The following FOXP1 variants were observed in gnomAD, a reference collection of about 807,000 sequenced individuals.
The protein encoded by FOXP1 is forkhead box protein P1.
Under a neutral mutation model 98.2 loss-of-function variants are expected in FOXP1, and 15 were observed. That is an observed-to-expected ratio of 0.15 (90% CI 0.10 to 0.24). The LOEUF (loss-of-function observed/expected upper bound fraction) is 0.24. FOXP1 is among the 10% of genes least tolerant of loss of function. FOXP1 has a pLI of 1.00. For synonymous variants in FOXP1, 371 were observed against 314.5 expected, an observed-to-expected ratio of 1.18 and a Z score of -1.90; for missense variants, 633 against 848.5, an observed-to-expected ratio of 0.75 and a Z score of 3.15.
At chr3:71,469,446 C>G (rs1443938966) in intron 3 of FOXP1, among the ~76,000 whole-genome samples, 1 of 152,172 alleles carries the variant, frequency 6.6e-6, no homozygotes, top group Non-Finnish European at 1.5e-5. Flanking sequence ...TCTAAGTCAC[C>G]TTCTTGTAAA....
At chr3:71,406,414 T>TATATATATATATATATATATATATAC (rs1220162304) in intron 3 of FOXP1, among the ~76,000 whole-genome samples, 22 of 141,808 alleles carry the variant, frequency 1.6e-4, no homozygotes, top group African/African-American at 4.8e-4. Context: ...TGTATATATA[T>TATATATATATATATATATATATATAC]ATATATATAT....
At chr3:71,386,703 A>G (rs898245338) in intron 3 of FOXP1, among the ~76,000 whole-genome samples, 1 of 142,598 alleles carries the variant, frequency 7.0e-6, no homozygotes, top group Non-Finnish European at 1.5e-5. Context: ...AGATGGTGCC[A>G]CTGCACTCTA....
chr3:71,216,237 A>G (rs890321862), intron 5 of FOXP1, among the ~76,000 whole-genome samples: 13 of 152,224 alleles, frequency 8.5e-5, no homozygotes, highest in African/African-American at 2.9e-4. Context: ...ATAGCTCTCC[A>G]AAGTCCCACC....
At chr3:71,310,622 A>G (rs1216204615) in intron 4 of FOXP1, among the ~76,000 whole-genome samples, 8 of 152,122 alleles carry the variant, frequency 5.3e-5, no homozygotes, top group South Asian at 2.1e-4. Flanking sequence ...CTCCCTCTCC[A>G]TGTTCCGGGA....
At chr3:71,322,950 G>C (rs1400867794) in intron 4 of FOXP1, among the ~76,000 whole-genome samples, 1 of 151,914 alleles carries the variant, frequency 6.6e-6, no homozygotes, top group Non-Finnish European at 1.5e-5. Flanking sequence ...TCCCTTTCTG[G>C]GCACAGGGCC....
intron 12 of FOXP1, among the ~76,000 whole-genome samples, chr3:71,005,696 G>A (rs949700568): frequency 6.6e-6 from 1 of 152,000 alleles, no homozygotes; most frequent in Non-Finnish European, 1.5e-5. Context: ...TGGAAGAAGC[G>A]CATAAAAAGC....
chr3:71,337,180 C>T (rs2076738327), intron 4 of FOXP1, among the ~76,000 whole-genome samples: 1 of 152,086 alleles, frequency 6.6e-6, no homozygotes. Flanking sequence ...TGGAACAGGA[C>T]ACAGGAGAAA....
intron 2 of FOXP1, among the ~76,000 whole-genome samples, chr3:71,545,126 T>C (rs2045254885): frequency 6.6e-6 from 1 of 152,122 alleles, no homozygotes; most frequent in African/African-American, 2.4e-5. Context: ...ACCATTTTAT[T>C]TACACATGTA....
intron 4 of FOXP1, among the ~76,000 whole-genome samples, chr3:71,340,354 T>TA (rs2076940663): frequency 6.6e-6 from 1 of 152,224 alleles, no homozygotes; most frequent in Non-Finnish European, 1.5e-5. Context: ...GTTTGACAGA[T>TA]ACTAAGTAAA....
In FOXP1 at chr3:71,169,618, C is replaced by T. The variant is rs138192252; in HGVS notation, c.180+28584G>A. ...CTTTCCTTCCTCCCCCACCGCCCCC[C>T]GCAAATGTATCTTCATCTTATAGTT... is the stretch of plus-strand genomic sequence containing the variant. On this transcript the variant is annotated intron_variant, in intron 6 of 20. Transcript: ENST00000649528. Among the ~76,000 whole-genome samples, 99 of 151,886 alleles carry T rather than the reference C, an allele frequency of 6.5e-4. 1 individual carries two copies. Among genetic ancestry groups the T allele is most frequent in the South Asian group, 6.5e-3 (31 of 4,798 alleles).
chr3:71,230,820 G>C (rs181069101), intron 5 of FOXP1, among the ~76,000 whole-genome samples: 2 of 152,302 alleles, frequency 1.3e-5, no homozygotes, highest in Admixed American at 1.3e-4. Context: ...TTTCACAGTA[G>C]GTGGCATCAC....
intron 3 of FOXP1, among the ~76,000 whole-genome samples, chr3:71,469,682 A>AAT (rs2089134940): frequency 6.6e-6 from 1 of 152,296 alleles, no homozygotes; most frequent in Admixed American, 6.5e-5. Context: ...TTCCTTGCTG[A>AAT]ATGTAATGAG....
At chr3:71,373,014 G>C (rs541287286) in intron 3 of FOXP1, among the ~76,000 whole-genome samples, 4 of 152,142 alleles carry the variant, frequency 2.6e-5, no homozygotes, top group Non-Finnish European at 5.9e-5. Flanking sequence ...CTCACTCCCA[G>C]TGCCAGGTGC....
intron 3 of FOXP1, among the ~76,000 whole-genome samples, chr3:71,410,528 G>A (rs2082653544): frequency 6.6e-6 from 1 of 152,122 alleles, no homozygotes; most frequent in South Asian, 2.1e-4. Context: ...TATAAGCTGT[G>A]TCCTTATGAT....
At chr3:71,152,173 G>A (rs1186780156) in intron 6 of FOXP1, among the ~76,000 whole-genome samples, 1 of 152,210 alleles carries the variant, frequency 6.6e-6, no homozygotes, top group Non-Finnish European at 1.5e-5. Flanking sequence ...AAAGGGCTGT[G>A]TTGTGGAGAG....
At chr3:71,558,532 G>A (rs1203727807) in intron 2 of FOXP1, among the ~76,000 whole-genome samples, 3 of 147,008 alleles carry the variant, frequency 2.0e-5, no homozygotes, top group South Asian at 4.3e-4. Flanking sequence ...GTCTCACTCT[G>A]TCGCCATGCT....
chr3:71,027,119 T>G (rs1339037108), intron 11 of FOXP1, among the ~76,000 whole-genome samples: 9 of 152,306 alleles, frequency 5.9e-5, no homozygotes, highest in African/African-American at 1.9e-4. Flanking sequence ...TAGGGATCAC[T>G]AATCCAAAAG....
At chr3:71,174,285 AGAGTAAGCTG>A (rs1262589593) in intron 6 of FOXP1, among the ~76,000 whole-genome samples, 2 of 152,186 alleles carry the variant, frequency 1.3e-5, no homozygotes, top group Non-Finnish European at 2.9e-5. Context: ...TGAGAATTTA[AGAGTAAGCTG>A]GGTGCAGCGG....
intron 3 of FOXP1, among the ~76,000 whole-genome samples, chr3:71,486,116 A>C (rs1293274405): frequency 3.3e-5 from 5 of 152,210 alleles, no homozygotes; most frequent in Non-Finnish European, 7.3e-5. Flanking sequence ...AATTGGCCCA[A>C]CTTGGAATAA....
Sources: allele counts gnomAD v4.1 joint callset (sites outside exome capture counted in the v4.1 genomes callset), GRCh38; gene constraint gnomAD v4.1.1; transcripts MANE v1.5; gene names NCBI Gene and HGNC (gene_info 2026-07-23, HGNC 2026-07-21).